The following AGAP1 variants were observed in gnomAD, a reference collection of about 807,000 sequenced individuals.
AGAP1 encodes ArfGAP with GTPase domain, ankyrin repeat and PH domain 1.
A neutral mutation model predicts 105.3 loss-of-function variants in AGAP1; 29 were observed. That is an observed-to-expected ratio of 0.28 (90% confidence interval 0.21 to 0.38). AGAP1 has a LOEUF of 0.38. Among genes scored for constraint, AGAP1 ranks in the 10% least tolerant of loss-of-function variants. The pLI is 1.00. For missense variants in AGAP1, 998 were observed against 1,165.1 expected (o/e 0.86, Z 2.09); for synonymous variants, 509 against 485.9 (o/e 1.05, Z -0.63).
intron 16 of AGAP1, among the ~76,000 whole-genome samples, chr2:236,094,883 G>A (rs1284934445): frequency 3.0e-5 from 4 of 132,658 alleles, no homozygotes; most frequent in Admixed American, 9.0e-5. Flanking sequence ...CCAGGAGTTC[G>A]AGACCAGCCT....
chr2:235,726,806 G>C (rs1036343952), intron 3 of AGAP1, among the ~76,000 whole-genome samples: 10 of 152,208 alleles, frequency 6.6e-5, no homozygotes, highest in African/African-American at 2.4e-4. Context: ...AGGCAGGGAG[G>C]GGGTGGGCCA....
Position 235,959,911 on chromosome 2 carries a change from G to C in AGAP1, c.1484-8551G>C, listed in dbSNP as rs1458605326. Among the ~76,000 whole-genome samples, 2 of 151,616 alleles carry C rather than the reference G, an allele frequency of 1.3e-5. No individual in the cohort carries two copies. Among genetic ancestry groups the C allele is most frequent in the Non-Finnish European group, 2.9e-5 (2 of 67,902 alleles). Reference sequence around the variant, plus strand: ...TTGAGTGCCTCCCTTTTGGGCCACCGTAGACACCCCACCTCTGAGTGGTCA... The same window carrying C: ...TTGAGTGCCTCCCTTTTGGGCCACCCTAGACACCCCACCTCTGAGTGGTCA... On this transcript the variant is annotated intron_variant, in intron 12 of 17. Transcript: ENST00000304032. The surrounding 1 kb of genome is among the most constrained non-coding windows in gnomAD (Gnocchi z 7.3).
chr2:235,944,873 C>T (rs796741570), intron 12 of AGAP1, among the ~76,000 whole-genome samples: 4 of 152,282 alleles, frequency 2.6e-5, no homozygotes, highest in African/African-American at 9.6e-5. Flanking sequence ...TATCATCCTA[C>T]ACCACCTTCT....
At chr2:235,681,734 T>G (rs1299527586) in intron 1 of AGAP1, among the ~76,000 whole-genome samples, 1 of 152,184 alleles carries the variant, frequency 6.6e-6, no homozygotes, top group Non-Finnish European at 1.5e-5. Context: ...ATTGACTTTT[T>G]AAGGTTGATT....
intron 13 of AGAP1, among the ~76,000 whole-genome samples, chr2:235,995,519 AAC>A (rs1204622682): frequency 6.6e-6 from 1 of 152,182 alleles, no homozygotes; most frequent in Non-Finnish European, 1.5e-5. Flanking sequence ...GACTCAAAAA[AAC>A]AAACAAAAGA....
chr2:235,886,182 A>G (rs528945296), intron 10 of AGAP1, among the ~76,000 whole-genome samples: 1 of 152,342 alleles, frequency 6.6e-6, no homozygotes, highest in Non-Finnish European at 1.5e-5. Context: ...AGCTCCTCCT[A>G]TGGACCCTGT....
chr2:235,526,288 A>G (rs530519877), intron 1 of AGAP1, among the ~76,000 whole-genome samples: 1 of 152,268 alleles, frequency 6.6e-6, no homozygotes, highest in Non-Finnish European at 1.5e-5. Context: ...ACTCAGCCAG[A>G]TGAATCCAGA....
In AGAP1 at chr2:235,882,570, T is replaced by C; in HGVS notation, c.1051-775T>C. On this transcript the variant is annotated intron_variant, in intron 9 of 17. Transcript: ENST00000304032. This position sits in a 1 kb window ranked among gnomAD's most constrained non-coding sequence, Gnocchi z 4.6. ...ACTCTGCCTCCTGGGTTCAAGCAAT[T>C]CCCCTGCTCAGCCTCCCCGAGTAGC... 1 of 643,502 alleles carries C rather than the reference T, an allele frequency of 1.6e-6. No homozygotes were observed. The highest frequency in any genetic ancestry group is 3.7e-5 in the East Asian group (1 of 26,998). 39.9% of individuals were successfully genotyped at this position (643,502 alleles called of 1,614,324 possible).
chr2:235,850,231 C>T (rs781607221), intron 9 of AGAP1, among the ~76,000 whole-genome samples: 6 of 152,236 alleles, frequency 3.9e-5, no homozygotes, highest in Non-Finnish European at 5.9e-5. Flanking sequence ...GGAAGATGTG[C>T]GTGTTCCAAC....
intron 1 of AGAP1, chr2:235,670,670 G>A (rs1223392289): frequency 3.0e-6 from 2 of 662,490 alleles, no homozygotes; most frequent in Admixed American, 2.3e-5. Context: ...CGAGGCCGCG[G>A]CCGGGACCAC....
Position 235,926,870 on chromosome 2 carries a change from C to G in AGAP1, c.1325-3895C>G, listed in dbSNP as rs542952164. On this transcript the variant is annotated intron_variant, in intron 11 of 17. Coordinates refer to ENST00000304032, the MANE Select transcript of AGAP1 (RefSeq NM_001037131.3). ...AGACAGATCCAGAGAGAGAGGCTGT[C>G]AGCTCTTTGTTCATAAACACAGGCC... 1.2e-3 allele frequency among the ~76,000 whole-genome samples: 185 copies of G among 152,304 alleles called. 2 individuals are homozygous for G. Among genetic ancestry groups the G allele is most frequent in the African/African-American group, 4.4e-3 (183 of 41,578 alleles).
chr2:236,040,725 G>T lies in AGAP1; in HGVS notation c.1801-26G>T. The T allele has an allele frequency of 6.2e-7, 1 of 1,611,968 alleles. No individual in the cohort carries two copies. The highest frequency in any genetic ancestry group is 8.5e-7 in the Non-Finnish European group (1 of 1,179,560). ...GTTTCTCCCGGGGTGCTTACGCCTT[G>T]TATTTGTGTCTTCCTCCGTGCCCAG... is the stretch of plus-strand genomic sequence containing the variant. On this transcript the variant is annotated intron_variant, in intron 14 of 17. Coordinates refer to ENST00000304032, the MANE Select transcript of AGAP1 (RefSeq NM_001037131.3). This position sits in a 1 kb window ranked among gnomAD's most constrained non-coding sequence, Gnocchi z 5.6.
Position 235,494,734 on chromosome 2 carries a change from G to A in AGAP1, c.48G>A (p.Glu16=). Residue 16 remains glutamate, a synonymous_variant, in exon 1 of 18, where the codon GAG becomes GAA. Coordinates refer to ENST00000304032, the MANE Select transcript of AGAP1 (RefSeq NM_001037131.3). ...CCAACTCGGCTGCCATCCGGGCCGA[G>A]ATCCAGCGCTTCGAGTCGGTCCACC... ...QLANSAAIRA[E]IQRFESVHPN... is the part of the protein sequence containing the mutation. The A allele has an allele frequency of 2.6e-6, 4 of 1,567,824 alleles. No individual in the cohort carries two copies. Among genetic ancestry groups the A allele is most frequent in the Non-Finnish European group, 3.5e-6 (4 of 1,157,182 alleles).
intron 13 of AGAP1, among the ~76,000 whole-genome samples, chr2:236,031,761 C>T (rs2057231023): frequency 6.6e-6 from 1 of 152,068 alleles, no homozygotes; most frequent in African/African-American, 2.4e-5. Context: ...GCACCCAGAA[C>T]AGGTGTCATC....
intron 16 of AGAP1, among the ~76,000 whole-genome samples, chr2:236,072,784 T>A (rs945114913): frequency 4.0e-5 from 6 of 151,896 alleles, no homozygotes; most frequent in African/African-American, 1.5e-4. Flanking sequence ...TCTTACATTT[T>A]CCCCTCTAAT....
At chr2:235,561,898 A>G (rs984313286) in intron 1 of AGAP1, among the ~76,000 whole-genome samples, 26 of 152,192 alleles carry the variant, frequency 1.7e-4, no homozygotes, top group Non-Finnish European at 4.4e-5. Context: ...GACTTCTGTC[A>G]TATTTTACAA....
At chr2:235,619,720 AG>A (rs1286014476) in intron 1 of AGAP1, among the ~76,000 whole-genome samples, 1 of 152,198 alleles carries the variant, frequency 6.6e-6, no homozygotes, top group Non-Finnish European at 1.5e-5. Context: ...GATTGCCAAG[AG>A]GCGGCCAGCT....
At chr2:235,809,136 C>G (rs1051895226) in intron 9 of AGAP1, among the ~76,000 whole-genome samples, 2 of 151,962 alleles carry the variant, frequency 1.3e-5, no homozygotes, top group Non-Finnish European at 2.9e-5. Flanking sequence ...ACCAGCCTGG[C>G]GGGAGTCCCT....
At chr2:235,573,525 G>A (rs530765475) in intron 1 of AGAP1, among the ~76,000 whole-genome samples, 1 of 152,104 alleles carries the variant, frequency 6.6e-6, no homozygotes, top group South Asian at 2.1e-4. Context: ...TAGTCAGTGT[G>A]TATAATGTTT....
Sources: gnomAD v4.1 joint callset for allele counts (sites outside exome capture counted in the v4.1 genomes callset) on GRCh38, gnomAD v4.1.1 for gene constraint, Gnocchi (gnomAD v3.1) non-coding constraint, MANE v1.5 for transcripts, NCBI Gene and HGNC (gene_info 2026-07-23, HGNC 2026-07-21) for gene names.